The following GBE1 variants were observed in gnomAD, a reference collection of about 807,000 sequenced individuals.
GBE1 encodes 1,4-alpha-glucan-branching enzyme.
Under a neutral mutation model 88.8 loss-of-function variants are expected in GBE1, and 70 were observed. That is an observed-to-expected ratio of 0.79 (90% CI 0.65 to 0.96). The LOEUF (loss-of-function observed/expected upper bound fraction) is 0.96, where lower values mean the gene tolerates loss of function less well. GBE1 is among the 40% of genes least tolerant of loss of function. The probability of loss-of-function intolerance (pLI) is 0.00; values close to 1 mark genes in which losing one functional copy is unlikely to be tolerated. For missense variants in GBE1, 872 were observed against 871.0 expected, an observed-to-expected ratio of 1.00 and a Z score of -0.01; for synonymous variants, 284 against 300.1, an observed-to-expected ratio of 0.95 and a Z score of 0.56.
chr3:81,562,538 A>T (rs912761123), intron 12 of GBE1, among the ~76,000 whole-genome samples: 2 of 152,066 alleles, frequency 1.3e-5, no homozygotes, highest in African/African-American at 4.8e-5. Flanking sequence ...CTAGGTGTGA[A>T]GAGAAGGGAA....
intron 1 of GBE1, among the ~76,000 whole-genome samples, chr3:81,714,640 T>C (rs1705916907): frequency 6.6e-6 from 1 of 152,300 alleles, no homozygotes; most frequent in East Asian, 1.9e-4. Flanking sequence ...ACTGGCCCTA[T>C]AGAGGTTGTG....
intron 15 of GBE1, among the ~76,000 whole-genome samples, chr3:81,494,035 A>C (rs191212301): frequency 6.6e-6 from 1 of 151,930 alleles, no homozygotes; most frequent in East Asian, 1.9e-4. Flanking sequence ...TAAAAAAAAA[A>C]CCCTTTGGTT....
intron 15 of GBE1, 150 bp from the exon 16 acceptor site, chr3:81,490,613 C>T (rs1438792704): frequency 1.5e-6 from 1 of 688,828 alleles, no homozygotes; most frequent in Non-Finnish European, 2.5e-6. Flanking sequence ...GGCTCAATTT[C>T]ACAGTTCCAA....
intron 6 of GBE1, 36 bp from the exon 7 acceptor site, chr3:81,643,026 T>A (rs1324146624): frequency 1.4e-6 from 2 of 1,421,302 alleles, no homozygotes; most frequent in Non-Finnish European, 9.8e-7. Context: ...GAAGATTACA[T>A]CACATTTAGA....
At chr3:81,663,570 A>G (rs928868911) in intron 3 of GBE1, among the ~76,000 whole-genome samples, 3 of 152,200 alleles carry the variant, frequency 2.0e-5, no homozygotes, top group Admixed American at 2.0e-4. Context: ...CTCCAAGCCC[A>G]GATGTGATCC....
chr3:81,752,068 T>A (rs896724480), intron 1 of GBE1, among the ~76,000 whole-genome samples: 2 of 152,204 alleles, frequency 1.3e-5, no homozygotes, highest in Non-Finnish European at 2.9e-5. Flanking sequence ...AGAGATTGTG[T>A]CTCATTAAAA....
chr3:81,588,326 A>G (rs1703827535), intron 9 of GBE1, among the ~76,000 whole-genome samples: 1 of 152,150 alleles, frequency 6.6e-6, no homozygotes, highest in African/African-American at 2.4e-5. Flanking sequence ...TATGCATTAA[A>G]TATCAGGCAC....
At chr3:81,662,886 T>A (rs771738409) in intron 3 of GBE1, among the ~76,000 whole-genome samples, 61 of 152,292 alleles carry the variant, frequency 4.0e-4, no homozygotes, top group Non-Finnish European at 6.6e-4. Context: ...CAGCTAGATT[T>A]CAACATGGTT....
At chr3:81,612,914 T>C (rs372993918) in intron 7 of GBE1, 1 of 389,638 alleles carries the variant, frequency 2.6e-6, no homozygotes. Context: ...CTGATATGGA[T>C]GATGAAGAAG....
intron 12 of GBE1, among the ~76,000 whole-genome samples, chr3:81,548,333 G>GT (rs1703234375): frequency 6.6e-6 from 1 of 151,368 alleles, no homozygotes; most frequent in South Asian, 2.1e-4. Context: ...TTAAGAATTG[G>GT]TTTTAACATT....
At chr3:81,618,578 TTTC>T (rs1704281880) in intron 7 of GBE1, among the ~76,000 whole-genome samples, 1 of 152,252 alleles carries the variant, frequency 6.6e-6, no homozygotes, top group Non-Finnish European at 1.5e-5. Flanking sequence ...GAGAAGTTTC[TTTC>T]GCCTTTGACA....
At chr3:81,553,881 C>T (rs2106899068) in intron 12 of GBE1, among the ~76,000 whole-genome samples, 1 of 152,126 alleles carries the variant, frequency 6.6e-6, no homozygotes, top group South Asian at 2.1e-4. Flanking sequence ...TTCAAATGTT[C>T]ATGTTGCTAT....
In GBE1 at chr3:81,593,805, C is replaced by G. The variant is rs1415249393; in HGVS notation, c.1108+103G>C. On this transcript the variant is annotated intron_variant, in intron 8 of 15. Coordinates refer to ENST00000429644, the MANE Select transcript of GBE1 (RefSeq NM_000158.4). ...GCCAAAATGGGATAATAAATTACTACAGAGAAAGCATATGTAATGGAACTA... is the reference window on the plus strand; with the variant it reads ...GCCAAAATGGGATAATAAATTACTAGAGAGAAAGCATATGTAATGGAACTA... 3 of 603,026 alleles carry G rather than the reference C, an allele frequency of 5.0e-6. No homozygotes were observed. The African/African-American group carries it at 5.9e-5, about 12-fold the overall frequency. The allele number at this position is 603,026 out of a possible 1,614,324, so 37.4% of individuals were successfully genotyped here.
At chr3:81,512,239 G>C (rs1354220544) in intron 14 of GBE1, among the ~76,000 whole-genome samples, 1 of 151,612 alleles carries the variant, frequency 6.6e-6, no homozygotes, top group Non-Finnish European at 1.5e-5. Flanking sequence ...AATACCTACT[G>C]GGTGCTATGC....
intron 7 of GBE1, among the ~76,000 whole-genome samples, chr3:81,638,737 T>C (rs902678151): frequency 1.3e-5 from 2 of 152,118 alleles, no homozygotes; most frequent in African/African-American, 4.8e-5. Flanking sequence ...GGTAATGAAA[T>C]AGCACAGTCA....
chr3:81,677,112 C>G (rs993646817), intron 2 of GBE1, among the ~76,000 whole-genome samples: 2 of 152,176 alleles, frequency 1.3e-5, no homozygotes, highest in Non-Finnish European at 2.9e-5. Context: ...TTAGCCACTT[C>G]ATTTCTGCAG....
chr3:81,737,387 A>T (rs1418048528), intron 1 of GBE1, among the ~76,000 whole-genome samples: 6 of 34,816 alleles, frequency 1.7e-4, no homozygotes, highest in South Asian at 5.9e-4. Flanking sequence ...TTTTATATAT[A>T]TTTATATAAA....
intron 2 of GBE1, among the ~76,000 whole-genome samples, chr3:81,694,932 C>T (rs1705570294): frequency 6.6e-6 from 1 of 152,154 alleles, no homozygotes; most frequent in African/African-American, 2.4e-5. Flanking sequence ...ATGACACTCC[C>T]ATCAGTGCCA....
chr3:81,642,670 A>C, intron 7 of GBE1, 111 bp downstream of exon 7: 1 of 704,918 alleles, frequency 1.4e-6, no homozygotes, highest in Non-Finnish European at 2.4e-6. Context: ...AATCCAATTA[A>C]GAACATTAAG....
Sources: allele counts gnomAD v4.1 joint callset (sites outside exome capture counted in the v4.1 genomes callset), GRCh38; gene constraint gnomAD v4.1.1; transcripts MANE v1.5; gene names NCBI Gene and HGNC (gene_info 2026-07-23, HGNC 2026-07-21).